The following CNTN5 variants were observed in gnomAD, a reference collection of about 807,000 sequenced individuals.
CNTN5 encodes contactin-5.
CNTN5 carries 77 observed loss-of-function variants against 129.1 expected under a neutral mutation model. The observed-to-expected ratio is 0.60, with a 90% confidence interval of 0.50 to 0.72. The LOEUF (loss-of-function observed/expected upper bound fraction) is 0.72. Ranked by LOEUF, CNTN5 falls within the 30% of genes least tolerant of loss-of-function variation. The probability of loss-of-function intolerance (pLI) is 0.00; values close to 1 mark genes in which losing one functional copy is unlikely to be tolerated. For synonymous variants in CNTN5, 509 were observed against 465.6 expected (o/e 1.09, Z -1.20); for missense variants, 1,478 against 1,328.8 (o/e 1.11, Z -1.75).
At chr11:100,116,686 C>A (rs11222833) in intron 13 of CNTN5, among the ~76,000 whole-genome samples, 1 of 151,560 alleles carries the variant, frequency 6.6e-6, no homozygotes, top group Admixed American at 6.6e-5. Flanking sequence ...AATATAATAT[C>A]TTTTTTCTTC....
chr11:99,186,620 T>C (rs560596551), intron 1 of CNTN5, among the ~76,000 whole-genome samples: 24 of 152,094 alleles, frequency 1.6e-4, no homozygotes, highest in African/African-American at 3.6e-4. Context: ...ATGATGGCAT[T>C]ATCTTCAAGA....
At chr11:99,598,358 CTCTCTCTCT>C (rs1950203687) in intron 3 of CNTN5, among the ~76,000 whole-genome samples, 1 of 47,260 alleles carries the variant, frequency 2.1e-5, no homozygotes, top group African/African-American at 7.8e-5. Flanking sequence ...CTCTCTCTCT[CTCTCTCTCT>C]CTCTCTCCCT....
At chr11:100,338,867 G>A (rs1383538867) in intron 21 of CNTN5, among the ~76,000 whole-genome samples, 1 of 152,084 alleles carries the variant, frequency 6.6e-6, no homozygotes, top group South Asian at 2.1e-4. Context: ...CCGGACAGCT[G>A]TGTGTTAGCA....
At chr11:100,041,930 G>A (rs907401667) in intron 9 of CNTN5, among the ~76,000 whole-genome samples, 6 of 152,240 alleles carry the variant, frequency 3.9e-5, no homozygotes, top group East Asian at 3.9e-4. Flanking sequence ...ATAATCACAC[G>A]TTCTGAGTCA....
intron 3 of CNTN5, among the ~76,000 whole-genome samples, chr11:99,749,728 A>G (rs1178380836): frequency 6.6e-6 from 1 of 152,174 alleles, no homozygotes; most frequent in Non-Finnish European, 1.5e-5. Flanking sequence ...ATCAGCTTAT[A>G]TTTCCTACTA....
intron 1 of CNTN5, among the ~76,000 whole-genome samples, chr11:99,055,052 A>G (rs756012976): frequency 6.6e-6 from 1 of 152,002 alleles, no homozygotes; most frequent in Non-Finnish European, 1.5e-5. Context: ...TCTATGCCCT[A>G]TTCCCAGAAT....
At chr11:99,644,820 CTA>C (rs1220075263) in intron 3 of CNTN5, among the ~76,000 whole-genome samples, 1 of 152,048 alleles carries the variant, frequency 6.6e-6, no homozygotes, top group Non-Finnish European at 1.5e-5. Flanking sequence ...ACTAAAGGAA[CTA>C]TACAACAGGA....
chr11:99,473,754 T>C (rs1219963259), intron 2 of CNTN5, among the ~76,000 whole-genome samples: 1 of 151,988 alleles, frequency 6.6e-6, no homozygotes, highest in Non-Finnish European at 1.5e-5. Context: ...AGTTTCTTAG[T>C]TAGTCTTTAT....
intron 18 of CNTN5, among the ~76,000 whole-genome samples, chr11:100,292,341 G>A (rs933002207): frequency 1.3e-5 from 2 of 151,956 alleles, no homozygotes; most frequent in African/African-American, 4.8e-5. Context: ...CCCCTAGCAG[G>A]CAGCCTTATT....
chr11:100,012,038 G>A (rs1191882049), intron 9 of CNTN5, among the ~76,000 whole-genome samples: 7 of 152,148 alleles, frequency 4.6e-5, no homozygotes, highest in Non-Finnish European at 7.4e-5. Context: ...GAGTTATGTG[G>A]TATTTGTCTA....
intron 2 of CNTN5, among the ~76,000 whole-genome samples, chr11:99,555,528 T>A (rs1351722399): frequency 6.6e-6 from 1 of 151,962 alleles, no homozygotes; most frequent in Non-Finnish European, 1.5e-5. Context: ...AAACATTAAA[T>A]ATTCATGAAA....
intron 3 of CNTN5, among the ~76,000 whole-genome samples, chr11:99,809,599 C>A (rs139822169): frequency 1.8e-4 from 27 of 152,046 alleles, no homozygotes; most frequent in African/African-American, 5.5e-4. Context: ...AATGAGTACA[C>A]CCACCTTTTA....
At chr11:99,438,327 C>G (rs1443283055) in intron 2 of CNTN5, among the ~76,000 whole-genome samples, 1 of 152,000 alleles carries the variant, frequency 6.6e-6, no homozygotes, top group Non-Finnish European at 1.5e-5. Context: ...AACTATTCGT[C>G]TTATCTCTAT....
chr11:100,270,492 C>T (rs1263397408), intron 17 of CNTN5, among the ~76,000 whole-genome samples: 2 of 152,168 alleles, frequency 1.3e-5, no homozygotes, highest in East Asian at 3.9e-4. Context: ...CCAAATAAAG[C>T]ATGCATGCCA....
intron 18 of CNTN5, among the ~76,000 whole-genome samples, chr11:100,278,871 T>C (rs1322519616): frequency 6.6e-6 from 1 of 152,008 alleles, no homozygotes; most frequent in Non-Finnish European, 1.5e-5. Context: ...CTGGGCATTC[T>C]TGTCATGTTC....
At chr11:100,000,173 T>C (rs1939768381) in intron 8 of CNTN5, among the ~76,000 whole-genome samples, 1 of 151,538 alleles carries the variant, frequency 6.6e-6, no homozygotes, top group African/African-American at 2.4e-5. Context: ...TAAAAATAAA[T>C]AAATAAATAA....
At position 100,301,354 on chromosome 11, in the gene CNTN5, G is replaced by A. The variant is rs559561336; in HGVS notation, c.2620+1958G>A. Among the ~76,000 whole-genome samples, 26 of 151,512 alleles carry A rather than the reference G, an allele frequency of 1.7e-4. 1 individual carries two copies. Among genetic ancestry groups the A allele is most frequent in the Middle Eastern group, 3.4e-3 (1 of 292 alleles). On this transcript the variant is annotated intron_variant, in intron 20 of 24. Coordinates refer to ENST00000524871, the MANE Select transcript of CNTN5 (RefSeq NM_014361.4). The stretch of plus-strand genomic sequence containing the variant: ...GAAATTAATTTATAGCAGCCACCAT[G>A]GGTTTTTTTACATTGTGTTTTCTTA...
intron 2 of CNTN5, among the ~76,000 whole-genome samples, chr11:99,366,860 A>G (rs1255521980): frequency 2.0e-5 from 3 of 152,296 alleles, no homozygotes; most frequent in East Asian, 1.9e-4. Flanking sequence ...TGATAATAGA[A>G]AAGGGGAAAT....
chr11:99,750,095 C>G (rs1944182177), intron 3 of CNTN5, among the ~76,000 whole-genome samples: 1 of 152,122 alleles, frequency 6.6e-6, no homozygotes, highest in Admixed American at 6.6e-5. Flanking sequence ...AAAATAAACT[C>G]TGATTCTTGT....
Sources: gnomAD v4.1 joint callset for allele counts (sites outside exome capture counted in the v4.1 genomes callset) on GRCh38, gnomAD v4.1.1 for gene constraint, MANE v1.5 for transcripts, NCBI Gene and HGNC (gene_info 2026-07-23, HGNC 2026-07-21) for gene names.